The following THSD7B variants were observed in gnomAD, a reference collection of about 807,000 sequenced individuals.
THSD7B encodes the protein thrombospondin type 1 domain containing 7B, also known as thrombospondin type-1 domain-containing protein 7B.
A neutral mutation model predicts 213.6 loss-of-function variants in THSD7B; 138 were observed. The observed-to-expected ratio is 0.65, with a 90% CI of 0.56 to 0.74. THSD7B has a LOEUF of 0.74. Ranked by LOEUF, THSD7B falls within the 30% of genes least tolerant of loss-of-function variation. The pLI is 0.00. For missense variants in THSD7B, 1,931 were observed against 1,991.5 expected (o/e 0.97, Z 0.58); for synonymous variants, 742 against 687.0 (o/e 1.08, Z -1.25).
At chr2:136,878,161 A>G (rs1326250458) in intron 1 of THSD7B, among the ~76,000 whole-genome samples, 1 of 152,168 alleles carries the variant, frequency 6.6e-6, no homozygotes, top group Non-Finnish European at 1.5e-5. Context: ...ATGAATGAGA[A>G]CATGCGGTGT....
chr2:137,665,360 A>ATG (rs1169973996), intron 26 of THSD7B, among the ~76,000 whole-genome samples: 1 of 152,104 alleles, frequency 6.6e-6, no homozygotes, highest in South Asian at 2.1e-4. Flanking sequence ...GTGTGAGTAT[A>ATG]TGTGTGTGTG....
At chr2:137,381,654 A>G (rs112116815) in intron 12 of THSD7B, among the ~76,000 whole-genome samples, 91 of 152,328 alleles carry the variant, frequency 6.0e-4, no homozygotes, top group African/African-American at 2.0e-3. Flanking sequence ...AATGAGTGAC[A>G]CACTCACAGA....
intron 2 of THSD7B, among the ~76,000 whole-genome samples, chr2:136,958,069 C>T (rs2105081113): frequency 6.6e-6 from 1 of 151,852 alleles, no homozygotes; most frequent in Non-Finnish European, 1.5e-5. Flanking sequence ...AATTCATTTA[C>T]CAAAACAAAT....
intron 15 of THSD7B, among the ~76,000 whole-genome samples, chr2:137,490,893 G>A (rs1244253297): frequency 6.6e-6 from 1 of 152,178 alleles, no homozygotes; most frequent in African/African-American, 2.4e-5. Context: ...ATAAATTCAA[G>A]CATGTTGTGG....
intron 2 of THSD7B, among the ~76,000 whole-genome samples, chr2:137,046,403 A>G (rs1291069971): frequency 1.3e-5 from 2 of 152,082 alleles, no homozygotes; most frequent in Non-Finnish European, 2.9e-5. Flanking sequence ...GATGAATGTT[A>G]CTGGGCTGTA....
rs1210657099 is a variant in THSD7B, at chr2:137,676,721, C to CAAAT, written c.*118_*121dup. The CAAAT allele has an allele frequency of 1.5e-5, 12 of 824,556 alleles. No homozygotes were observed. The highest frequency in any genetic ancestry group is 2.4e-4 in the Middle Eastern group (1 of 4,216). The allele number at this position is 824,556 out of a possible 1,614,324, so 51.1% of individuals were successfully genotyped here. A position where few individuals can be genotyped will look rare whatever the true frequency, so the allele number is the denominator to read the frequency against. On this transcript the variant is annotated 3_prime_UTR_variant, in exon 28 of 28. Coordinates refer to ENST00000409968, the MANE Select transcript of THSD7B (RefSeq NM_001316349.2). ...AAGATGTGATATATTGGGCAGAATA[C>CAAAT]AAATATTGCAAAAGTAATATTGCCT...
intron 12 of THSD7B, among the ~76,000 whole-genome samples, chr2:137,347,482 T>C (rs1684900097): frequency 6.6e-6 from 1 of 151,368 alleles, no homozygotes; most frequent in Non-Finnish European, 1.5e-5. Context: ...GGAGTGATGG[T>C]ACCAAGCACT....
chr2:136,911,774 T>A (rs971258402), intron 2 of THSD7B, among the ~76,000 whole-genome samples: 5 of 152,246 alleles, frequency 3.3e-5, no homozygotes, highest in Non-Finnish European at 7.3e-5. Context: ...GCCATGCTAC[T>A]ACTACTACAA....
At chr2:136,932,199 G>A (rs1411265615) in intron 2 of THSD7B, among the ~76,000 whole-genome samples, 3 of 152,058 alleles carry the variant, frequency 2.0e-5, no homozygotes, top group Non-Finnish European at 4.4e-5. Context: ...TTAGCTCATT[G>A]TAGAAATCAA....
In THSD7B at chr2:137,676,506, A is replaced by T. The variant is rs761741158; in HGVS notation, c.4740-18A>T. 17 of 1,574,260 alleles carry T rather than the reference A, an allele frequency of 1.1e-5. 1 individual carries two copies. The Admixed American group carries it at 2.7e-4, about 25-fold the overall frequency. On this transcript the variant is annotated intron_variant, in intron 27 of 27. Transcript: ENST00000409968. ...TCTATGAACTTACTTGATCTGAGGAATTTTTTTCCCTTTGCAGCAAGAAGC... is the reference window on the plus strand; with the variant it reads ...TCTATGAACTTACTTGATCTGAGGATTTTTTTTCCCTTTGCAGCAAGAAGC...
At chr2:137,309,463 T>G (rs1683838353) in intron 12 of THSD7B, among the ~76,000 whole-genome samples, 1 of 151,248 alleles carries the variant, frequency 6.6e-6, no homozygotes, top group East Asian at 1.9e-4. Context: ...TTTTAAAAAT[T>G]ATTGGACAAA....
chr2:137,577,218 T>C (rs1432965770), intron 17 of THSD7B, among the ~76,000 whole-genome samples: 1 of 152,126 alleles, frequency 6.6e-6, no homozygotes, highest in Non-Finnish European at 1.5e-5. Flanking sequence ...CAGCGTATTT[T>C]ACCCCTGTGT....
intron 12 of THSD7B, among the ~76,000 whole-genome samples, chr2:137,396,080 G>T (rs545660331): frequency 1.3e-5 from 2 of 150,700 alleles, no homozygotes; most frequent in East Asian, 2.0e-4. Context: ...CTTGCTAGCG[G>T]TCTATCAATT....
At chr2:137,186,097 T>C (rs1558950798) in intron 7 of THSD7B, among the ~76,000 whole-genome samples, 2 of 152,134 alleles carry the variant, frequency 1.3e-5, no homozygotes, top group Admixed American at 6.6e-5. Context: ...TTTTTGCTTG[T>C]TGATTTAAGT....
intron 12 of THSD7B, among the ~76,000 whole-genome samples, chr2:137,279,443 T>A (rs919050810): frequency 6.6e-6 from 1 of 152,028 alleles, no homozygotes; most frequent in Non-Finnish European, 1.5e-5. Flanking sequence ...CTCAGAAGGC[T>A]GAGGTGGGAG....
intron 12 of THSD7B, among the ~76,000 whole-genome samples, chr2:137,352,415 T>C (rs1685034795): frequency 1.3e-5 from 2 of 152,028 alleles, no homozygotes; most frequent in Non-Finnish European, 2.9e-5. Flanking sequence ...TTCATTTCCC[T>C]GCTCAAAAGC....
intron 5 of THSD7B, among the ~76,000 whole-genome samples, chr2:137,132,058 A>T (rs1392553050): frequency 1.3e-5 from 2 of 148,914 alleles, no homozygotes; most frequent in Non-Finnish European, 3.0e-5. Context: ...TATTTCATTG[A>T]GCAGTGGTTT....
intron 2 of THSD7B, among the ~76,000 whole-genome samples, chr2:136,977,243 T>C (rs1165698041): frequency 6.6e-6 from 1 of 152,212 alleles, no homozygotes; most frequent in Non-Finnish European, 1.5e-5. Flanking sequence ...ATGTTTATAG[T>C]ATTCTCTGAT....
chr2:137,243,556 G>C (rs1681960793), intron 10 of THSD7B, among the ~76,000 whole-genome samples: 1 of 152,208 alleles, frequency 6.6e-6, no homozygotes, highest in South Asian at 2.1e-4. Flanking sequence ...GTTCTGCAGA[G>C]AAAAAAGCCT....
Sources: gnomAD v4.1 joint callset for allele counts (sites outside exome capture counted in the v4.1 genomes callset) on GRCh38, gnomAD v4.1.1 for gene constraint, MANE v1.5 for transcripts, NCBI Gene and HGNC (gene_info 2026-07-23, HGNC 2026-07-21) for gene names.